EMCN: variants seen among roughly 807,000 people sequenced by gnomAD.
EMCN encodes the protein endomucin.
Under a neutral mutation model 38.4 loss-of-function variants are expected in EMCN, and 37 were observed. The ratio of observed to expected loss-of-function variants is 0.96; its 90% CI spans 0.74 to 1.27. EMCN has a LOEUF of 1.27. Among genes scored for constraint, EMCN ranks in the 50% most tolerant of loss-of-function variants. EMCN has a pLI of 0.00. For missense variants in EMCN, 318 were observed against 302.8 expected, an observed-to-expected ratio of 1.05 and a Z score of -0.37; for synonymous variants, 95 against 100.8, an observed-to-expected ratio of 0.94 and a Z score of 0.35.
intron 10 of EMCN, among the ~76,000 whole-genome samples, chr4:100,413,360 C>T (rs1014081428): frequency 6.6e-6 from 1 of 151,900 alleles, no homozygotes; most frequent in African/African-American, 2.4e-5. Flanking sequence ...CAAACCTAAC[C>T]ATTTAAGTTT....
intron 1 of EMCN, among the ~76,000 whole-genome samples, chr4:100,492,965 A>G (rs1729123951): frequency 6.6e-6 from 1 of 152,168 alleles, no homozygotes; most frequent in Non-Finnish European, 1.5e-5. Context: ...AATCTACCTT[A>G]TAGACTTTTT....
intron 4 of EMCN, among the ~76,000 whole-genome samples, chr4:100,450,310 T>C (rs1414386333): frequency 6.6e-6 from 1 of 152,014 alleles, no homozygotes; most frequent in East Asian, 1.9e-4. Flanking sequence ...TTATGAAATG[T>C]AAATGAATTT....
At chr4:100,404,028 T>A (rs1329357529) in intron 11 of EMCN, among the ~76,000 whole-genome samples, 5 of 152,114 alleles carry the variant, frequency 3.3e-5, no homozygotes, top group Non-Finnish European at 7.4e-5. Context: ...GTCGTCTGTT[T>A]ACTCTGTTGA....
At chr4:100,418,583 T>C (rs1237442894) in intron 8 of EMCN, among the ~76,000 whole-genome samples, 2 of 152,034 alleles carry the variant, frequency 1.3e-5, no homozygotes, top group African/African-American at 4.8e-5. Context: ...TTCTACTCTC[T>C]AGCTCCATGA....
At chr4:100,470,208 G>GC (rs1024775417) in intron 3 of EMCN, among the ~76,000 whole-genome samples, 14 of 151,164 alleles carry the variant, frequency 9.3e-5, no homozygotes, top group African/African-American at 3.4e-4. Flanking sequence ...ACAACCCCAT[G>GC]CCCAATAACA....
At chr4:100,404,812 C>CT (rs1428184847) in intron 11 of EMCN, among the ~76,000 whole-genome samples, 2 of 152,104 alleles carry the variant, frequency 1.3e-5, no homozygotes, top group Non-Finnish European at 2.9e-5. Context: ...AGAGTATGGC[C>CT]TTTTTTAACA....
intron 10 of EMCN, among the ~76,000 whole-genome samples, chr4:100,413,944 G>A (rs1045492381): frequency 8.5e-5 from 13 of 152,192 alleles, no homozygotes; most frequent in Admixed American, 6.5e-5. Context: ...GTCACCACTA[G>A]AGTGGGAGAG....
At chr4:100,437,845 C>CT (rs922125647) in intron 5 of EMCN, among the ~76,000 whole-genome samples, 8 of 151,092 alleles carry the variant, frequency 5.3e-5, no homozygotes, top group East Asian at 3.9e-4. Flanking sequence ...ATGCCTCCAA[C>CT]TTTTTTTTTA....
chr4:100,410,208 A>G (rs1578392716), intron 11 of EMCN, 74 bp downstream of exon 11: 1 of 1,041,796 alleles, frequency 9.6e-7, no homozygotes, highest in East Asian at 2.4e-5. Context: ...ATTCTTTAAA[A>G]ACAATCTAAG....
At chr4:100,439,885 C>T (rs1414178146) in intron 5 of EMCN, among the ~76,000 whole-genome samples, 2 of 151,878 alleles carry the variant, frequency 1.3e-5, no homozygotes, top group Non-Finnish European at 2.9e-5. Flanking sequence ...TTCTTTGACT[C>T]ATTGGTTGTT....
Position 100,401,846 on chromosome 4 carries a change from G to T in EMCN, c.*40-3473C>A, listed in dbSNP as rs78835911. ...CAGCCTTCAAAGGTGTCTTGGAACA[G>T]AAGGAAGATGAGACCTACTGGTGAG... On this transcript the variant is annotated intron_variant, in intron 11 of 11. Transcript: ENST00000296420. Among the ~76,000 whole-genome samples, 409 of 152,256 alleles carry T rather than the reference G, an allele frequency of 2.7e-3. 2 individuals are homozygous for T. The highest frequency in any genetic ancestry group is 9.4e-3 in the African/African-American group (392 of 41,558).
chr4:100,463,864 T>C lies in EMCN; in HGVS notation c.376+1559A>G, dbSNP rs142636919. ...AATTGGGTTGTGTCCTCTAACTTTG[T>C]TCTTTTTCAAAAGTGTTTTGACTAT... On this transcript the variant is annotated intron_variant, in intron 4 of 11. Transcript: ENST00000296420. 3.4e-3 allele frequency among the ~76,000 whole-genome samples: 513 copies of C among 152,270 alleles called. 3 individuals carry two copies. In the Middle Eastern group the frequency reaches 0.037, roughly 11 times the overall value.
intron 1 of EMCN, among the ~76,000 whole-genome samples, chr4:100,499,646 C>T (rs1021160782): frequency 5.3e-5 from 8 of 152,150 alleles, no homozygotes; most frequent in African/African-American, 1.7e-4. Flanking sequence ...AAGACAGCCT[C>T]GTGACAAACC....
At chr4:100,413,325 T>G (rs2110211443) in intron 10 of EMCN, among the ~76,000 whole-genome samples, 1 of 152,250 alleles carries the variant, frequency 6.6e-6, no homozygotes, top group South Asian at 2.1e-4. Flanking sequence ...AGTAGAAAAA[T>G]TGAGTTAAGC....
At chr4:100,439,291 T>G (rs1727442224) in intron 5 of EMCN, among the ~76,000 whole-genome samples, 1 of 151,990 alleles carries the variant, frequency 6.6e-6, no homozygotes. Context: ...GATCTCTTTA[T>G]TTGTTATTGG....
intron 1 of EMCN, among the ~76,000 whole-genome samples, chr4:100,507,372 A>T (rs1463225535): frequency 1.3e-5 from 2 of 152,138 alleles, no homozygotes; most frequent in Non-Finnish European, 2.9e-5. Flanking sequence ...TACAAGCAAA[A>T]AATAATAATA....
intron 1 of EMCN, among the ~76,000 whole-genome samples, chr4:100,512,322 T>G (rs1419147089): frequency 6.6e-6 from 1 of 152,156 alleles, no homozygotes; most frequent in Non-Finnish European, 1.5e-5. Context: ...ATAGTGCCCT[T>G]TCTAGATGTA....
chr4:100,447,109 G>T (rs1230905627), intron 5 of EMCN, among the ~76,000 whole-genome samples: 2 of 152,122 alleles, frequency 1.3e-5, no homozygotes, highest in Non-Finnish European at 2.9e-5. Context: ...GCACTAATTG[G>T]AATGATAGCA....
rs917699769 is a variant in EMCN at position 100,396,099 on chromosome 4, G to T, written c.*2314C>A. Reference sequence around the variant, plus strand: ...ACATATTTGATTAATGGTAATTTTGGCTTGAAAACAAAATATCCTATCTCA... The same window carrying T: ...ACATATTTGATTAATGGTAATTTTGTCTTGAAAACAAAATATCCTATCTCA... On this transcript the variant is annotated 3_prime_UTR_variant, in exon 12 of 12. Transcript: ENST00000296420. 6.6e-6 allele frequency: 1 copy of T among 152,052 alleles called. No homozygotes were observed. The highest frequency in any genetic ancestry group is 6.6e-5 in the Admixed American group (1 of 15,254). The allele number at this position is 152,052 out of a possible 1,614,324, so 9.4% of individuals were successfully genotyped here. A position where few individuals can be genotyped will look rare whatever the true frequency, so the allele number is the denominator to read the frequency against.
Sources: gnomAD v4.1 joint callset for allele counts (sites outside exome capture counted in the v4.1 genomes callset) on GRCh38, gnomAD v4.1.1 for gene constraint, MANE v1.5 for transcripts, NCBI Gene and HGNC (gene_info 2026-07-23, HGNC 2026-07-21) for gene names.